The following CACNA1C variants were observed in gnomAD, a reference collection of about 807,000 sequenced individuals.
CACNA1C encodes voltage-dependent L-type calcium channel subunit alpha-1C.
In CACNA1C, 30 loss-of-function variants were observed where a neutral mutation model predicts 229.0. The observed-to-expected ratio is 0.13, with a 90% CI of 0.10 to 0.18. CACNA1C has a LOEUF of 0.18. Ranked by LOEUF, CACNA1C falls within the 10% of genes least tolerant of loss-of-function variation. The pLI, the probability that CACNA1C is intolerant of heterozygous loss-of-function variation, is 1.00. For missense variants in CACNA1C, 1,658 were observed against 2,845.0 expected, an observed-to-expected ratio of 0.58 and a Z score of 9.49; for synonymous variants, 1,114 against 1,132.5, an observed-to-expected ratio of 0.98 and a Z score of 0.33.
intron 9 of CACNA1C, among the ~76,000 whole-genome samples, chr12:2,521,596 C>T (rs1448595895): frequency 1.3e-5 from 2 of 152,246 alleles, no homozygotes; most frequent in Non-Finnish European, 2.9e-5. Context: ...GAGGCTTCTT[C>T]ATCTTCCCAG....
At chr12:2,508,274 T>C (rs2099776182) in intron 8 of CACNA1C, among the ~76,000 whole-genome samples, 1 of 152,216 alleles carries the variant, frequency 6.6e-6, no homozygotes, top group Non-Finnish European at 1.5e-5. Context: ...TGTCCTTCAG[T>C]CACTAAGGAA....
At chr12:2,170,002 C>T (rs981823601) in intron 3 of CACNA1C, among the ~76,000 whole-genome samples, 64 of 152,280 alleles carry the variant, frequency 4.2e-4, no homozygotes, top group African/African-American at 1.5e-3. Context: ...AGGGCTGGCT[C>T]CCCTGAAACA....
chr12:2,538,304 G>C (rs555530858), intron 9 of CACNA1C, among the ~76,000 whole-genome samples: 1 of 152,230 alleles, frequency 6.6e-6, no homozygotes, highest in Admixed American at 6.5e-5. Context: ...AATCAACCAG[G>C]CTTTAATTGC....
chr12:2,256,854 T>A lies in CACNA1C; in HGVS notation c.477+136424T>A, dbSNP rs183042998. ...GGTGATTCTGATGGGTGTTTCCAGG[T>A]TTGGAAACCAGCATGCTACCTTTTA... is the stretch of plus-strand genomic sequence containing the variant. On this transcript the variant is annotated intron_variant, in intron 3 of 46. Transcript: ENST00000399655. 1.4e-4 allele frequency among the ~76,000 whole-genome samples: 22 copies of A among 152,296 alleles called. No individual in the cohort carries two copies. The South Asian group carries it at 1.7e-3, about 11-fold the overall frequency.
intron 3 of CACNA1C, among the ~76,000 whole-genome samples, chr12:2,415,133 C>T (rs2098856616): frequency 6.6e-6 from 1 of 152,228 alleles, no homozygotes; most frequent in East Asian, 1.9e-4. Flanking sequence ...GGCGAGGGGG[C>T]TCACGCAGAG....
intron 1 of CACNA1C, among the ~76,000 whole-genome samples, chr12:2,017,111 A>C (rs1225056629): frequency 2.0e-5 from 3 of 152,238 alleles, no homozygotes; most frequent in Non-Finnish European, 4.4e-5. Flanking sequence ...TCAAAGTTTC[A>C]GAAAGGTAAT....
chr12:2,399,602 T>G (rs2098647549), intron 3 of CACNA1C, among the ~76,000 whole-genome samples: 1 of 152,168 alleles, frequency 6.6e-6, no homozygotes, highest in Non-Finnish European at 1.5e-5. Flanking sequence ...AGACACCTCT[T>G]CTCTTCTCTC....
In CACNA1C at chr12:2,154,938, G is replaced by A. The variant is rs765462415; in HGVS notation, c.477+34508G>A. On this transcript the variant is annotated intron_variant, in intron 3 of 46. Coordinates refer to ENST00000399655, the MANE Select transcript of CACNA1C (RefSeq NM_000719.7). ...GGGGTATTCCCTCAGGCTGGTCTCC[G>A]GAGCCGGCTCTGTGCTCTGAAAGCG... Among the ~76,000 whole-genome samples the A allele has an allele frequency of 2.2e-4, 33 of 152,158 alleles. 1 individual carries two copies. Among genetic ancestry groups the A allele is most frequent in the Non-Finnish European group, 3.8e-4 (26 of 68,022 alleles).
At chr12:2,117,802 G>A (rs1228520064) in intron 2 of CACNA1C, among the ~76,000 whole-genome samples, 2 of 152,244 alleles carry the variant, frequency 1.3e-5, no homozygotes, top group African/African-American at 2.4e-5. Context: ...CCCTCCGGGG[G>A]AGTGTGCCTT....
intron 1 of CACNA1C, among the ~76,000 whole-genome samples, chr12:1,987,208 A>G (rs2038054640): frequency 6.6e-6 from 1 of 152,208 alleles, no homozygotes; most frequent in Non-Finnish European, 1.5e-5. Context: ...CTTGGCCTCT[A>G]TACAGTTTTA....
At chr12:2,690,746 G>T in intron 46 of CACNA1C, 154 bp from the exon 47 acceptor site, 1 of 684,802 alleles carries the variant, frequency 1.5e-6, no homozygotes. Context: ...TTCCCCATGG[G>T]TGCCCCTCCC....
At chr12:1,976,209 G>A (rs2034308243) in intron 1 of CACNA1C, among the ~76,000 whole-genome samples, 1 of 152,150 alleles carries the variant, frequency 6.6e-6, no homozygotes, top group East Asian at 1.9e-4. Context: ...CATCACTCAA[G>A]TCACAGTAGA....
intron 1 of CACNA1C, among the ~76,000 whole-genome samples, chr12:2,094,265 A>G (rs1229079797): frequency 1.3e-5 from 2 of 152,214 alleles, no homozygotes; most frequent in African/African-American, 4.8e-5. Context: ...CAGACATTTC[A>G]GAAGCTGAGC....
rs571041897 is a variant in CACNA1C, at chr12:2,658,369, C to T, written c.4232+3131C>T. Among the ~76,000 whole-genome samples, 11 of 152,314 alleles carry T rather than the reference C, an allele frequency of 7.2e-5. No individual in the cohort carries two copies. In the South Asian group the frequency reaches 2.1e-3, roughly 29 times the overall value. On this transcript the variant is annotated intron_variant, in intron 34 of 46. Coordinates refer to ENST00000399655, the MANE Select transcript of CACNA1C (RefSeq NM_000719.7). ...TCTACAGTCATGCACCACATGATGA[C>T]ATTTCAGCCAATGACAGACTGCCTA...
chr12:2,267,548 C>T (rs149058586), intron 3 of CACNA1C, among the ~76,000 whole-genome samples: 113 of 152,298 alleles, frequency 7.4e-4, no homozygotes, highest in African/African-American at 2.6e-3. Context: ...TCTCTCATAA[C>T]GGCCTCCAGC....
chr12:2,100,514 C>T (rs1211283638), intron 1 of CACNA1C, among the ~76,000 whole-genome samples: 4 of 145,174 alleles, frequency 2.8e-5, no homozygotes, highest in Non-Finnish European at 6.0e-5. Flanking sequence ...GGATGGGAGC[C>T]TGATGCAGGA....
At chr12:2,511,153 A>G (rs1228583425) in intron 8 of CACNA1C, among the ~76,000 whole-genome samples, 2 of 152,258 alleles carry the variant, frequency 1.3e-5, no homozygotes, top group African/African-American at 2.4e-5. Context: ...AGAAAATTCA[A>G]TCCAAACCAG....
chr12:2,457,815 G>GAATC, intron 5 of CACNA1C, 109 bp downstream of exon 5: 1 of 1,033,794 alleles, frequency 9.7e-7, no homozygotes. Context: ...CATATAAATG[G>GAATC]AGGGGTTTTT....
intron 1 of CACNA1C, among the ~76,000 whole-genome samples, chr12:2,070,171 A>G (rs959522814): frequency 1.3e-5 from 2 of 152,232 alleles, no homozygotes; most frequent in Middle Eastern, 3.2e-3. Context: ...CGGGAAGAGT[A>G]TAAAAGAGCC....
Sources: gnomAD v4.1 joint callset for allele counts (sites outside exome capture counted in the v4.1 genomes callset) on GRCh38, gnomAD v4.1.1 for gene constraint, MANE v1.5 for transcripts, NCBI Gene and HGNC (gene_info 2026-07-23, HGNC 2026-07-21) for gene names.